WDR49: variants seen among roughly 807,000 people sequenced by gnomAD.
The protein encoded by WDR49 is WD repeat domain 49, also known as cilia- and flagella-associated protein 337.
Under a neutral mutation model 119.5 loss-of-function variants are expected in WDR49, and 107 were observed. The ratio of observed to expected loss-of-function variants is 0.90; its 90% CI spans 0.77 to 1.05. The LOEUF (loss-of-function observed/expected upper bound fraction) is 1.05, where lower values mean the gene tolerates loss of function less well. WDR49 is among the 50% of genes least tolerant of loss of function. The pLI is 0.00. For missense variants in WDR49, 1,240 were observed against 1,220.5 expected (o/e 1.02, Z -0.24); for synonymous variants, 425 against 418.8 (o/e 1.01, Z -0.18).
intron 14 of WDR49, 127 bp downstream of exon 14, chr3:167,528,925 A>G (rs1012209656): frequency 2.4e-5 from 15 of 623,190 alleles, no homozygotes; most frequent in Admixed American, 8.0e-5. Context: ...TAAATGTTTT[A>G]TTTAAAACAC....
intron 18 of WDR49, among the ~76,000 whole-genome samples, chr3:167,491,787 G>A (rs1751142058): frequency 6.6e-6 from 1 of 152,110 alleles, no homozygotes; most frequent in African/African-American, 2.4e-5. Context: ...TCAAAGAGGG[G>A]TTTCAAGCTG....
Position 167,554,799 on chromosome 3 carries a change from C to T in WDR49, c.1675-1G>A, listed in dbSNP as rs968200931. ...GACAATATCCATTGAAGTCCCATAT[C>T]TTTAAGAGAAAAATTAAAACCACTT... On this transcript the variant is annotated splice_acceptor_variant, in intron 9 of 18. Transcript: ENST00000682715. LOFTEE classifies it high-confidence loss of function. 15 of 1,591,428 alleles carry T rather than the reference C, an allele frequency of 9.4e-6. No homozygotes were observed. Among genetic ancestry groups the T allele is most frequent in the African/African-American group, 1.4e-5 (1 of 73,450 alleles).
intron 18 of WDR49, among the ~76,000 whole-genome samples, chr3:167,481,470 G>GA (rs1225623985): frequency 3.3e-5 from 5 of 150,712 alleles, no homozygotes; most frequent in African/African-American, 1.2e-4. Context: ...ATAGAAATGA[G>GA]AAAAAATATA....
At chr3:167,576,640 C>G (rs1714266855) in intron 7 of WDR49, among the ~76,000 whole-genome samples, 1 of 152,110 alleles carries the variant, frequency 6.6e-6, no homozygotes, top group Admixed American at 6.5e-5. Flanking sequence ...TATGAGGACT[C>G]TTCCTAGTCT....
At chr3:167,554,841 A>C (rs1485566761) in intron 9 of WDR49, 43 bp from the exon 10 acceptor site, 1 of 1,386,544 alleles carries the variant, frequency 7.2e-7, no homozygotes, top group African/African-American at 1.5e-5. Flanking sequence ...AGGAAGGTAA[A>C]CTTTTTATAT....
chr3:167,551,201 G>A (rs1280787619), intron 10 of WDR49, among the ~76,000 whole-genome samples: 2 of 151,876 alleles, frequency 1.3e-5, no homozygotes, highest in Admixed American at 6.6e-5. Context: ...TGCCTTTTAT[G>A]TATTGACCTG....
intron 2 of WDR49, among the ~76,000 whole-genome samples, chr3:167,652,565 G>A (rs183544120): frequency 8.0e-4 from 122 of 152,266 alleles, no homozygotes; most frequent in Middle Eastern, 3.4e-3. Flanking sequence ...CCACTTTGAT[G>A]TATGCTGTTC....
intron 8 of WDR49, among the ~76,000 whole-genome samples, chr3:167,565,568 T>C (rs1257883926): frequency 1.3e-5 from 2 of 151,942 alleles, no homozygotes; most frequent in Non-Finnish European, 2.9e-5. Flanking sequence ...TCTGGGAAGG[T>C]CTCCCTGAGG....
At chr3:167,651,272 G>A (rs1285138267) in intron 2 of WDR49, among the ~76,000 whole-genome samples, 1 of 152,120 alleles carries the variant, frequency 6.6e-6, no homozygotes, top group Non-Finnish European at 1.5e-5. Context: ...GGAATCTGGT[G>A]CCAGAATCTT....
intron 16 of WDR49, among the ~76,000 whole-genome samples, chr3:167,508,064 T>C (rs374514780): frequency 6.6e-6 from 1 of 152,162 alleles, no homozygotes; most frequent in Non-Finnish European, 1.5e-5. Flanking sequence ...ATCAATCCTA[T>C]GAGGAGGAAA....
At chr3:167,573,086 T>C (rs1223829552) in intron 8 of WDR49, among the ~76,000 whole-genome samples, 2 of 152,136 alleles carry the variant, frequency 1.3e-5, no homozygotes, top group Non-Finnish European at 2.9e-5. Context: ...ATTCGCCCTC[T>C]TTGGTATGGG....
intron 7 of WDR49, among the ~76,000 whole-genome samples, chr3:167,596,323 G>C (rs1363001979): frequency 1.3e-5 from 2 of 148,618 alleles, no homozygotes; most frequent in African/African-American, 4.9e-5. Flanking sequence ...GATTCCTCAG[G>C]GATCTAGAAC....
chr3:167,577,387 T>C (rs937184093), intron 7 of WDR49, among the ~76,000 whole-genome samples: 1 of 152,138 alleles, frequency 6.6e-6, no homozygotes, highest in African/African-American at 2.4e-5. Context: ...TTAAAAAACA[T>C]GTAGAATGTA....
intron 18 of WDR49, among the ~76,000 whole-genome samples, chr3:167,496,491 A>C (rs1751358682): frequency 1.3e-5 from 2 of 151,806 alleles, no homozygotes; most frequent in Non-Finnish European, 2.9e-5. Flanking sequence ...GGCTCATAGC[A>C]ACTTAACTTT....
At chr3:167,510,365 C>T (rs1033544359) in intron 16 of WDR49, among the ~76,000 whole-genome samples, 3 of 152,056 alleles carry the variant, frequency 2.0e-5, no homozygotes, top group Non-Finnish European at 4.4e-5. Context: ...TTACATGAGT[C>T]CAAAAAACAA....
chr3:167,635,744 C>T (rs1333032044), intron 2 of WDR49, among the ~76,000 whole-genome samples: 1 of 151,436 alleles, frequency 6.6e-6, no homozygotes, highest in Non-Finnish European at 1.5e-5. Context: ...GTTTCCAGAT[C>T]CTGAAAATAA....
intron 16 of WDR49, among the ~76,000 whole-genome samples, chr3:167,508,387 T>C (rs752739638): frequency 6.6e-6 from 1 of 152,212 alleles, no homozygotes; most frequent in African/African-American, 2.4e-5. Context: ...GCAAATCTGT[T>C]AACTTCTCCG....
chr3:167,600,556 T>C (rs1715719377), intron 7 of WDR49, among the ~76,000 whole-genome samples: 1 of 152,182 alleles, frequency 6.6e-6, no homozygotes, highest in South Asian at 2.1e-4. Context: ...AGACCATTGG[T>C]GGGGCTTTCT....
intron 17 of WDR49, among the ~76,000 whole-genome samples, chr3:167,504,482 GA>G (rs1751694096): frequency 6.6e-6 from 1 of 152,188 alleles, no homozygotes; most frequent in Non-Finnish European, 1.5e-5. Flanking sequence ...CTTTTAGAAT[GA>G]AAATGTTTAT....
Sources: gnomAD v4.1 joint callset for allele counts (sites outside exome capture counted in the v4.1 genomes callset) on GRCh38, gnomAD v4.1.1 for gene constraint, MANE v1.5 for transcripts, NCBI Gene and HGNC (gene_info 2026-07-23, HGNC 2026-07-21) for gene names.